The following CCSER1 variants were observed in gnomAD, a reference collection of about 807,000 sequenced individuals.
CCSER1 encodes coiled-coil serine rich protein 1.
A neutral mutation model predicts 82.0 loss-of-function variants in CCSER1; 41 were observed. The ratio of observed to expected loss-of-function variants is 0.50; its 90% CI spans 0.39 to 0.65. The LOEUF (loss-of-function observed/expected upper bound fraction) is 0.65. CCSER1 is among the 30% of genes least tolerant of loss of function. The pLI is 0.00. For missense variants in CCSER1, 1,119 were observed against 1,064.2 expected, an observed-to-expected ratio of 1.05 and a Z score of -0.72; for synonymous variants, 414 against 383.9, an observed-to-expected ratio of 1.08 and a Z score of -0.92.
chr4:90,630,868 G>GATT (rs71596533), intron 6 of CCSER1, among the ~76,000 whole-genome samples: 30,054 of 143,084 alleles, frequency 0.21, 3,292 homozygotes, highest in Admixed American at 0.27. Flanking sequence ...TTTGTTCACA[G>GATT]ATTATTATTA....
At chr4:90,674,169 GA>G (rs1275900750) in intron 6 of CCSER1, among the ~76,000 whole-genome samples, 7 of 151,970 alleles carry the variant, frequency 4.6e-5, no homozygotes, top group Non-Finnish European at 1.0e-4. Flanking sequence ...AGCTTTCTAA[GA>G]AAATGGAGAG....
At chr4:90,337,168 A>T (rs1433242562) in intron 3 of CCSER1, among the ~76,000 whole-genome samples, 1 of 152,368 alleles carries the variant, frequency 6.6e-6, no homozygotes, top group East Asian at 1.9e-4. Flanking sequence ...ATTGCACAGA[A>T]GGATAAGTTG....
At chr4:90,372,788 CT>C (rs1293654439) in intron 3 of CCSER1, among the ~76,000 whole-genome samples, 1 of 151,840 alleles carries the variant, frequency 6.6e-6, no homozygotes, top group Admixed American at 6.6e-5. Context: ...TAGGGTTATA[CT>C]TTTGGGGTTT....
intron 6 of CCSER1, among the ~76,000 whole-genome samples, chr4:90,685,208 C>T (rs115582858): frequency 0.016 from 2,452 of 152,048 alleles, 69 homozygotes; most frequent in African/African-American, 0.056. Context: ...AATATTCTGC[C>T]TTCTGTTTGC....
intron 8 of CCSER1, among the ~76,000 whole-genome samples, chr4:90,915,515 C>A (rs563670004): frequency 6.6e-6 from 1 of 152,226 alleles, no homozygotes; most frequent in African/African-American, 2.4e-5. Context: ...GGATGTATCT[C>A]AAAATAATAA....
At chr4:90,505,597 C>T (rs775785730) in intron 5 of CCSER1, among the ~76,000 whole-genome samples, 56 of 152,148 alleles carry the variant, frequency 3.7e-4, no homozygotes, top group East Asian at 1.5e-3. Flanking sequence ...CTAAACAAGG[C>T]GTGGATTATT....
intron 10 of CCSER1, among the ~76,000 whole-genome samples, chr4:91,184,463 G>A (rs2149036366): frequency 6.6e-6 from 1 of 152,310 alleles, no homozygotes; most frequent in South Asian, 2.1e-4. Flanking sequence ...CCCATAGGTT[G>A]TATAACTGAA....
intron 1 of CCSER1, among the ~76,000 whole-genome samples, chr4:90,151,918 A>G (rs1170047226): frequency 6.6e-6 from 1 of 152,206 alleles, no homozygotes; most frequent in Non-Finnish European, 1.5e-5. Context: ...ATGCTAATGC[A>G]TTAAATAGGT....
At chr4:91,518,718 CT>C (rs1184794884) in intron 10 of CCSER1, among the ~76,000 whole-genome samples, 1 of 152,124 alleles carries the variant, frequency 6.6e-6, no homozygotes, top group Non-Finnish European at 1.5e-5. Flanking sequence ...TTGTTATTTC[CT>C]TAGACCAAGA....
Position 90,579,024 on chromosome 4 carries a change from G to GGTA in CCSER1, c.1725-49001_1725-49000insGTA, listed in dbSNP as rs757661326. The stretch of plus-strand genomic sequence containing the variant: ...AATATTATGTTGTCTATTAAAAAAA[G>GGTA]CTTGACTTTTTTTAATCAATAAAAT... On this transcript the variant is annotated intron_variant, in intron 5 of 10. Transcript: ENST00000509176. 3.2e-3 allele frequency among the ~76,000 whole-genome samples: 488 copies of GGTA among 150,992 alleles called. 5 individuals are homozygous for GGTA. Among genetic ancestry groups the GGTA allele is most frequent in the Non-Finnish European group, 4.1e-3 (277 of 67,740 alleles).
Position 90,482,290 on chromosome 4 carries a change from C to G in CCSER1, c.1724+13936C>G, listed in dbSNP as rs368469804. Among the ~76,000 whole-genome samples, 308 of 152,216 alleles carry G rather than the reference C, an allele frequency of 2.0e-3. 2 individuals carry two copies. In the South Asian group the frequency reaches 0.025, roughly 12 times the overall value. The stretch of plus-strand genomic sequence containing the variant: ...CTTCTTTATTAGTCTTGCTAGTGGT[C>G]TATCAATTTTGTTGATCTTTTCAAA... On this transcript the variant is annotated intron_variant, in intron 5 of 10. Transcript: ENST00000509176.
chr4:90,661,766 T>C (rs1348012142), intron 6 of CCSER1, among the ~76,000 whole-genome samples: 1 of 152,042 alleles, frequency 6.6e-6, no homozygotes, highest in African/African-American at 2.4e-5. Context: ...TTATACACTG[T>C]TTTTGTTCTT....
intron 6 of CCSER1, among the ~76,000 whole-genome samples, chr4:90,631,270 T>C (rs141432644): frequency 1.3e-5 from 2 of 152,344 alleles, no homozygotes; most frequent in East Asian, 3.9e-4. Context: ...TTTTTACATG[T>C]CATATTAGAA....
Position 90,461,220 on chromosome 4 carries a change from T to C in CCSER1, c.1604-7014T>C, listed in dbSNP as rs561570921. Among the ~76,000 whole-genome samples the C allele has an allele frequency of 1.8e-4, 25 of 138,580 alleles. 2 individuals are homozygous for C. Among genetic ancestry groups the C allele is most frequent in the Middle Eastern group, 3.4e-3 (1 of 292 alleles). The allele number at this position is 138,580 out of a possible 152,430, so 90.9% of individuals were successfully genotyped here. ...AGCTGGGACTACAGGCGCCCGCCAC[T>C]ACGCCCGGCTAATTTTTTGTATTTT... On this transcript the variant is annotated intron_variant, in intron 4 of 10. Transcript: ENST00000509176.
intron 10 of CCSER1, among the ~76,000 whole-genome samples, chr4:91,208,805 G>A (rs535578511): frequency 6.6e-6 from 1 of 152,056 alleles, no homozygotes; most frequent in South Asian, 2.1e-4. Flanking sequence ...GCTTTGGGCA[G>A]TATGACCATT....
chr4:90,724,593 G>A, intron 7 of CCSER1: 1 of 306,626 alleles, frequency 3.3e-6, no homozygotes, highest in Non-Finnish European at 6.4e-6. Flanking sequence ...TTCTATTTAA[G>A]CCAAAGCTTG....
intron 10 of CCSER1, among the ~76,000 whole-genome samples, chr4:91,279,492 A>G (rs1408073208): frequency 6.6e-6 from 1 of 151,510 alleles, no homozygotes; most frequent in African/African-American, 2.4e-5. Flanking sequence ...ACTGTCTTCA[A>G]GTTCTGAAAC....
chr4:90,158,638 G>C (rs572616387), intron 1 of CCSER1, among the ~76,000 whole-genome samples: 1 of 152,212 alleles, frequency 6.6e-6, no homozygotes, highest in Non-Finnish European at 1.5e-5. Flanking sequence ...AGACTGCTGT[G>C]CTAGCAATCA....
chr4:91,219,107 G>C (rs766734863), intron 10 of CCSER1, among the ~76,000 whole-genome samples: 43 of 152,142 alleles, frequency 2.8e-4, no homozygotes, highest in South Asian at 4.2e-4. Flanking sequence ...AATATTTTTG[G>C]TTTAAGCTAA....
Sources: allele counts gnomAD v4.1 joint callset (sites outside exome capture counted in the v4.1 genomes callset), GRCh38; gene constraint gnomAD v4.1.1; transcripts MANE v1.5; gene names NCBI Gene and HGNC (gene_info 2026-07-23, HGNC 2026-07-21).